TBCE: variants seen among roughly 807,000 people sequenced by gnomAD.
The protein encoded by TBCE is tubulin folding cofactor E, also known as tubulin-specific chaperone E.
TBCE carries 53 observed loss-of-function variants against 77.0 expected under a neutral mutation model. That is an observed-to-expected ratio of 0.69 (90% confidence interval 0.55 to 0.87). The LOEUF (loss-of-function observed/expected upper bound fraction) is 0.87. Ranked by LOEUF, TBCE falls within the 40% of genes least tolerant of loss-of-function variation. The pLI, the probability that TBCE is intolerant of heterozygous loss-of-function variation, is 0.00. For synonymous variants in TBCE, 235 were observed against 241.3 expected (o/e 0.97, Z 0.24); for missense variants, 624 against 622.4 (o/e 1.00, Z -0.03).
chr1:235,417,485 CAG>C (rs1680171705), intron 4 of TBCE, among the ~76,000 whole-genome samples: 1 of 152,156 alleles, frequency 6.6e-6, no homozygotes, highest in African/African-American at 2.4e-5. Flanking sequence ...TCTCTTAAAT[CAG>C]TGTGGAACTG....
intron 2 of TBCE, among the ~76,000 whole-genome samples, chr1:235,386,688 T>A (rs983096322): frequency 1.3e-5 from 2 of 152,180 alleles, no homozygotes; most frequent in African/African-American, 4.8e-5. Flanking sequence ...GTTATTCTAG[T>A]TATACATTCG....
chr1:235,423,049 C>G (rs908836544), intron 5 of TBCE, among the ~76,000 whole-genome samples: 5 of 152,288 alleles, frequency 3.3e-5, no homozygotes, highest in African/African-American at 1.2e-4. Context: ...TTGCAGCTCC[C>G]GATTGAATTC....
intron 13 of TBCE, among the ~76,000 whole-genome samples, chr1:235,439,257 T>C (rs572789405): frequency 0.05 from 7,523 of 149,912 alleles, 359 homozygotes; most frequent in African/African-American, 0.12. Flanking sequence ...TTTGGGAGGC[T>C]GAGGCGGGTG....
At chr1:235,373,777 T>C (rs2102799961) in intron 1 of TBCE, among the ~76,000 whole-genome samples, 1 of 148,710 alleles carries the variant, frequency 6.7e-6, no homozygotes, top group East Asian at 1.9e-4. Context: ...GCCTCCCGAG[T>C]AGCTGGGACT....
At chr1:235,368,241 A>G (rs753533363) in intron 1 of TBCE, among the ~76,000 whole-genome samples, 193 of 152,250 alleles carry the variant, frequency 1.3e-3, no homozygotes, top group Admixed American at 2.4e-3. Flanking sequence ...TTACTACCAA[A>G]TGGGGACTGT....
intron 7 of TBCE, chr1:235,432,899 TATA>T (rs1681185283): frequency 9.3e-6 from 7 of 755,482 alleles, no homozygotes; most frequent in East Asian, 5.1e-5. Context: ...TTATATAATA[TATA>T]ATAATTTTTT....
chr1:235,426,912 C>T (rs530166695), intron 5 of TBCE, among the ~76,000 whole-genome samples: 1 of 152,334 alleles, frequency 6.6e-6, no homozygotes, highest in East Asian at 1.9e-4. Context: ...TCCCAAAGTG[C>T]CGGGATTACA....
At chr1:235,433,737 AT>A in intron 7 of TBCE, 1 of 159,088 alleles carries the variant, frequency 6.3e-6, no homozygotes, top group South Asian at 1.8e-4. Flanking sequence ...AAAATGTATA[AT>A]TAAAAAAATA....
At chr1:235,405,915 C>A (rs1679398113) in intron 3 of TBCE, among the ~76,000 whole-genome samples, 1 of 151,830 alleles carries the variant, frequency 6.6e-6, no homozygotes, top group Non-Finnish European at 1.5e-5. Flanking sequence ...GATTATGGGA[C>A]CACTGTAGCA....
rs1190092007 is a variant in TBCE at position 235,373,815 on chromosome 1, A to T, written c.-31-6204A>T. 6.6e-5 allele frequency among the ~76,000 whole-genome samples: 9 copies of T among 137,072 alleles called. No individual in the cohort carries two copies. In the East Asian group the frequency reaches 1.6e-3, roughly 24 times the overall value. The allele number at this position is 137,072 out of a possible 152,430, so 89.9% of individuals were successfully genotyped here. A position where few individuals can be genotyped will look rare whatever the true frequency, so the allele number is the denominator to read the frequency against. ...AAGCGCCCGCCACCACGCCTGGCTAATTTTTTTGTATTTTTAGTAGAGACG... is the reference window on the plus strand; with the variant it reads ...AAGCGCCCGCCACCACGCCTGGCTATTTTTTTTGTATTTTTAGTAGAGACG... On this transcript the variant is annotated intron_variant, in intron 1 of 16. Transcript: ENST00000642610.
rs1681535025 is a variant in TBCE, at chr1:235,437,430, AT to A, written c.1074del (p.Ile359SerfsTer7). ...AGAAGCAGAGACGGCGCGACTACTC[AT>A]TATCGCCAGCATTGGCCAGCTGAAG... ...DKEAETARLL[I>X]IASIGQLKTL... On this transcript the variant is annotated frameshift_variant, in exon 12 of 17. Coordinates refer to ENST00000642610, the MANE Select transcript of TBCE (RefSeq NM_003193.5). LOFTEE classifies it high-confidence loss of function. The A allele has an allele frequency of 6.2e-7, 1 of 1,614,052 alleles. No homozygotes were observed. The highest frequency in any genetic ancestry group is 8.5e-7 in the Non-Finnish European group (1 of 1,180,052).
At chr1:235,377,883 C>G (rs969886531) in intron 1 of TBCE, among the ~76,000 whole-genome samples, 4 of 151,918 alleles carry the variant, frequency 2.6e-5, no homozygotes, top group Non-Finnish European at 1.5e-5. Flanking sequence ...GAACTCCTGA[C>G]CTTGTGATCC....
rs562181032 is a variant in TBCE, at chr1:235,451,513, G to A, written c.*2751G>A. On this transcript the variant is annotated 3_prime_UTR_variant, in exon 17 of 17. Transcript: ENST00000642610. Reference sequence around the variant, plus strand: ...AAAAAGACCGCATCAGAAAACAAGCGCCATGAACAACAGTTGTAGAAACAA... The same window carrying A: ...AAAAAGACCGCATCAGAAAACAAGCACCATGAACAACAGTTGTAGAAACAA... 12 of 144,266 alleles carry A rather than the reference G, an allele frequency of 8.3e-5. No individual in the cohort carries two copies. The highest frequency in any genetic ancestry group is 4.0e-4 in the East Asian group (2 of 4,976). The allele number at this position is 144,266 out of a possible 1,614,324, so 8.9% of individuals were successfully genotyped here. A position where few individuals can be genotyped will look rare whatever the true frequency, so the allele number is the denominator to read the frequency against.
chr1:235,420,275 A>G (rs1680324134), intron 5 of TBCE, among the ~76,000 whole-genome samples: 1 of 151,812 alleles, frequency 6.6e-6, no homozygotes, highest in Non-Finnish European at 1.5e-5. Flanking sequence ...CTGGGAACCT[A>G]AGATGAATCT....
intron 1 of TBCE, among the ~76,000 whole-genome samples, chr1:235,379,678 G>A (rs988375588): frequency 2.6e-5 from 4 of 152,104 alleles, no homozygotes; most frequent in African/African-American, 9.7e-5. Context: ...GCCAGGCGCG[G>A]TGGCTCACAC....
At chr1:235,428,344 A>C (rs191098613) in intron 6 of TBCE, among the ~76,000 whole-genome samples, 19 of 152,116 alleles carry the variant, frequency 1.2e-4, no homozygotes, top group South Asian at 4.2e-4. Context: ...CAAACAAACA[A>C]AAAATCTGCA....
intron 2 of TBCE, among the ~76,000 whole-genome samples, chr1:235,391,669 C>T (rs529031656): frequency 1.1e-4 from 14 of 131,372 alleles, no homozygotes; most frequent in African/African-American, 2.7e-4. Context: ...TGCAGTGGTA[C>T]GATCTCTGCT....
chr1:235,384,043 C>T (rs1397232264), intron 2 of TBCE, among the ~76,000 whole-genome samples: 1 of 151,280 alleles, frequency 6.6e-6, no homozygotes, highest in Non-Finnish European at 1.5e-5. Context: ...TGAATTTTGT[C>T]AAAGGCCTTT....
chr1:235,424,055 C>T (rs1048738879), intron 5 of TBCE, among the ~76,000 whole-genome samples: 12 of 152,178 alleles, frequency 7.9e-5, no homozygotes, highest in African/African-American at 2.7e-4. Context: ...ACTTTCTCCA[C>T]GTTTTATGTA....
Sources: gnomAD v4.1 joint callset for allele counts (sites outside exome capture counted in the v4.1 genomes callset) on GRCh38, gnomAD v4.1.1 for gene constraint, MANE v1.5 for transcripts, NCBI Gene and HGNC (gene_info 2026-07-23, HGNC 2026-07-21) for gene names.